Variants in BRINP3 observed in about 807,000 individuals in gnomAD.
BRINP3 encodes BMP/retinoic acid inducible neural specific 3, also known as BMP/retinoic acid-inducible neural-specific protein 3.
Under a neutral mutation model 71.0 loss-of-function variants are expected in BRINP3, and 19 were observed. The observed-to-expected ratio is 0.27, with a 90% CI of 0.19 to 0.39. BRINP3 has a LOEUF of 0.39. BRINP3 is among the 10% of genes least tolerant of loss of function. The pLI is 1.00. For synonymous variants in BRINP3, 380 were observed against 337.7 expected (o/e 1.13, Z -1.37); for missense variants, 959 against 940.8 (o/e 1.02, Z -0.25).
At chr1:190,395,820 G>A (rs1174354985) in intron 2 of BRINP3, among the ~76,000 whole-genome samples, 7 of 151,702 alleles carry the variant, frequency 4.6e-5, no homozygotes, top group Admixed American at 2.0e-4. Flanking sequence ...AGAGTCCATC[G>A]ATGCTCTTTA....
chr1:190,448,461 GTT>G (rs1491372018), intron 2 of BRINP3, among the ~76,000 whole-genome samples: 167 of 97,682 alleles, frequency 1.7e-3, no homozygotes, highest in Middle Eastern at 5.9e-3. Context: ...TACACTTGGG[GTT>G]TGTGTGTGTG....
chr1:190,214,435 G>C (rs193262674), intron 6 of BRINP3, among the ~76,000 whole-genome samples: 3 of 151,982 alleles, frequency 2.0e-5, no homozygotes, highest in African/African-American at 4.8e-5. Context: ...CCTGCATCTG[G>C]GAAGAGAAGT....
At chr1:190,437,971 T>C (rs1674577346) in intron 2 of BRINP3, among the ~76,000 whole-genome samples, 1 of 151,426 alleles carries the variant, frequency 6.6e-6, no homozygotes, top group Non-Finnish European at 1.5e-5. Context: ...AAAACAAATA[T>C]CAGTGGGTTA....
chr1:190,261,640 T>C (rs1328057117), intron 4 of BRINP3, among the ~76,000 whole-genome samples: 1 of 152,186 alleles, frequency 6.6e-6, no homozygotes, highest in Non-Finnish European at 1.5e-5. Context: ...TTTACTTTAT[T>C]TTTTACCAAT....
In BRINP3 at chr1:190,434,145, G is replaced by C. The variant is rs138930323; in HGVS notation, c.236+20510C>G. Among the ~76,000 whole-genome samples, 639 of 151,808 alleles carry C rather than the reference G, an allele frequency of 4.2e-3. 12 individuals carry two copies. The highest frequency in any genetic ancestry group is 0.037 in the Admixed American group (559 of 15,236). ...ATTTATTTATTTATTTTGAGATGAA[G>C]TCTTGTTCCCTCACCCAGGCTGAAG... On this transcript the variant is annotated intron_variant, in intron 2 of 7. Transcript: ENST00000367462.
chr1:190,266,450 CAGTT>C (rs1425258100), intron 3 of BRINP3, among the ~76,000 whole-genome samples: 1 of 152,004 alleles, frequency 6.6e-6, no homozygotes, highest in Non-Finnish European at 1.5e-5. Flanking sequence ...TATTAGAAAT[CAGTT>C]AGAGGAAGGA....
Position 190,456,362 on chromosome 1 carries a change from G to T in BRINP3, c.-50-1422C>A, listed in dbSNP as rs557021216. Among the ~76,000 whole-genome samples the T allele has an allele frequency of 1.8e-4, 27 of 152,270 alleles. No homozygotes were observed. The South Asian group carries it at 5.6e-3, about 32-fold the overall frequency. ...AATCATATGAGTTGCTCACTGAGGGGATTAAAGCGTACCGTCTTTTGTAAA... is the reference window on the plus strand; with the variant it reads ...AATCATATGAGTTGCTCACTGAGGGTATTAAAGCGTACCGTCTTTTGTAAA... On this transcript the variant is annotated intron_variant, in intron 1 of 7. Transcript: ENST00000367462.
chr1:190,470,801 C>G (rs748477801), intron 1 of BRINP3, among the ~76,000 whole-genome samples: 1 of 150,866 alleles, frequency 6.6e-6, no homozygotes, highest in African/African-American at 2.4e-5. Context: ...GTAATCCAAT[C>G]GACTCATTAT....
At chr1:190,341,835 G>A (rs909065565) in intron 2 of BRINP3, among the ~76,000 whole-genome samples, 1 of 151,826 alleles carries the variant, frequency 6.6e-6, no homozygotes, top group African/African-American at 2.4e-5. Context: ...TGTTTCTGCA[G>A]TGTATTTGTT....
chr1:190,138,282 C>T (rs1655142081), intron 7 of BRINP3, among the ~76,000 whole-genome samples: 2 of 151,902 alleles, frequency 1.3e-5, no homozygotes, highest in African/African-American at 4.8e-5. Context: ...AATGGTAGAT[C>T]CCCAGCAACC....
At chr1:190,401,943 T>TAC (rs554914526) in intron 2 of BRINP3, among the ~76,000 whole-genome samples, 54 of 152,098 alleles carry the variant, frequency 3.6e-4, no homozygotes, top group African/African-American at 1.3e-3. Context: ...TATATATATA[T>TAC]ATTTGATATG....
chr1:190,457,430 G>T (rs968247548), intron 1 of BRINP3, among the ~76,000 whole-genome samples: 1 of 145,356 alleles, frequency 6.9e-6, no homozygotes, highest in South Asian at 2.2e-4. Context: ...GGTAACAGAG[G>T]GAGGCTCTGT....
chr1:190,290,720 C>T (rs1483736683), intron 2 of BRINP3, among the ~76,000 whole-genome samples: 6 of 152,010 alleles, frequency 3.9e-5, no homozygotes, highest in Non-Finnish European at 7.4e-5. Context: ...TTTTTATCTC[C>T]TTGTGATAAA....
chr1:190,114,526 C>CTGTGTGTGTGTG (rs34766118), intron 7 of BRINP3, among the ~76,000 whole-genome samples: 57 of 143,132 alleles, frequency 4.0e-4, no homozygotes, highest in African/African-American at 1.2e-3. Flanking sequence ...AAGTTTGCCA[C>CTGTGTGTGTGTG]TGTGTGTGTG....
chr1:190,245,687 T>C lies in BRINP3; in HGVS notation c.619-11210A>G, dbSNP rs552683709. On this transcript the variant is annotated intron_variant, in intron 4 of 7. Transcript: ENST00000367462. ...TTACATACGTATACATGTGCCATGT[T>C]GGTGTGCTGCACCCATCAACTCGTC... is the stretch of plus-strand genomic sequence containing the variant. Among the ~76,000 whole-genome samples, 18 of 152,108 alleles carry C rather than the reference T, an allele frequency of 1.2e-4. No homozygotes were observed. In the South Asian group the frequency reaches 3.7e-3, roughly 32 times the overall value.
chr1:190,454,208 T>C (rs1467691566), intron 2 of BRINP3, among the ~76,000 whole-genome samples: 1 of 152,190 alleles, frequency 6.6e-6, no homozygotes, highest in African/African-American at 2.4e-5. Context: ...CTTCTGAACG[T>C]ACAATTACCT....
At position 190,264,791 on chromosome 1, in the gene BRINP3, A is replaced by G. The variant is rs1049817496; in HGVS notation, c.618+74T>C. 5.0e-6 allele frequency: 6 copies of G among 1,210,382 alleles called. No individual in the cohort carries two copies. In the African/African-American group the frequency reaches 7.8e-5, roughly 16 times the overall value. The allele number at this position is 1,210,382 out of a possible 1,614,324, so 75.0% of individuals were successfully genotyped here. A position where few individuals can be genotyped will look rare whatever the true frequency, so the allele number is the denominator to read the frequency against. On this transcript the variant is annotated intron_variant, in intron 4 of 7. Transcript: ENST00000367462. ...GTTTAAATTCATGGAATAAGCAAAT[A>G]CATAAAAATGCCTTTTGGATATAGA... is the stretch of plus-strand genomic sequence containing the variant.
rs147918354 is a variant in BRINP3, at chr1:190,396,689, C to T, written c.236+57966G>A. Among the ~76,000 whole-genome samples the T allele has an allele frequency of 3.3e-3, 423 of 128,602 alleles. 3 individuals are homozygous for T. The highest frequency in any genetic ancestry group is 0.012 in the South Asian group (46 of 3,964). 84.4% of individuals were successfully genotyped at this position (128,602 alleles called of 152,430 possible). ...AGATGCATATGTATACACAAACAAA[C>T]GCACTATGCATTCCTAATTTAATGA... On this transcript the variant is annotated intron_variant, in intron 2 of 7. Coordinates refer to ENST00000367462, the MANE Select transcript of BRINP3 (RefSeq NM_199051.3).
At chr1:190,191,320 T>C (rs1222728534) in intron 6 of BRINP3, among the ~76,000 whole-genome samples, 2 of 152,004 alleles carry the variant, frequency 1.3e-5, no homozygotes, top group East Asian at 1.9e-4. Flanking sequence ...GATACATGTG[T>C]ATAACGTGCA....
Sources: gnomAD v4.1 joint callset for allele counts (sites outside exome capture counted in the v4.1 genomes callset) on GRCh38, gnomAD v4.1.1 for gene constraint, MANE v1.5 for transcripts, NCBI Gene and HGNC (gene_info 2026-07-23, HGNC 2026-07-21) for gene names.